BLM: variants seen among roughly 807,000 people sequenced by gnomAD.
The protein encoded by BLM is recQ-like DNA helicase BLM.
BLM carries 95 observed loss-of-function variants against 135.3 expected under a neutral mutation model. The ratio of observed to expected loss-of-function variants is 0.70; its 90% CI spans 0.59 to 0.83. The LOEUF (loss-of-function observed/expected upper bound fraction) is 0.83. Ranked by LOEUF, BLM falls within the 40% of genes least tolerant of loss-of-function variation. The probability of loss-of-function intolerance (pLI) is 0.00; values close to 1 mark genes in which losing one functional copy is unlikely to be tolerated. For missense variants in BLM, 1,518 were observed against 1,663.9 expected (o/e 0.91, Z 1.53); for synonymous variants, 520 against 589.2 (o/e 0.88, Z 1.70).
chr15:90,788,117 T>C (rs1896800763), intron 14 of BLM, among the ~76,000 whole-genome samples: 1 of 151,998 alleles, frequency 6.6e-6, no homozygotes, highest in African/African-American at 2.4e-5. Flanking sequence ...GAGATTAAAA[T>C]GGGGTGGGGT....
Position 90,727,194 on chromosome 15 carries a change from TG to T in BLM, c.-5+9755del, listed in dbSNP as rs1396363440. Among the ~76,000 whole-genome samples, 5 of 152,240 alleles carry T rather than the reference TG, an allele frequency of 3.3e-5. No individual in the cohort carries two copies. The East Asian group carries it at 7.7e-4, about 24-fold the overall frequency. On this transcript the variant is annotated intron_variant, in intron 1 of 21. Coordinates refer to ENST00000355112, the MANE Select transcript of BLM (RefSeq NM_000057.4). The stretch of plus-strand genomic sequence containing the variant: ...TGTTTTTTTAATTTTTAAAATTTTT[TG>T]TAGAGACGGAGTCTTGCTGTGTTGC...
chr15:90,747,871 G>C (rs900373709), intron 2 of BLM, among the ~76,000 whole-genome samples: 5 of 151,654 alleles, frequency 3.3e-5, no homozygotes. Flanking sequence ...GCAGTGGCGC[G>C]ATCTTGGCTC....
chr15:90,790,793 C>G lies in BLM; in HGVS notation c.2968C>G (p.Leu990Val). 6.2e-7 allele frequency: 1 copy of G among 1,614,142 alleles called. No homozygotes were observed. The highest frequency in any genetic ancestry group is 8.5e-7 in the Non-Finnish European group (1 of 1,180,006). The change falls in exon 15 of 22, where the codon CTG (leucine) becomes GTG (valine). Residue 990 changes from leucine to valine, a missense_variant. Leu to Val is a conservative substitution (Grantham distance 32). Transcript: ENST00000355112. ...AAGAGATGGGGAAATATCTCACTGCCTGCTTTTCTATACCTATCATGATGT... is the reference window on the plus strand; with the variant it reads ...AAGAGATGGGGAAATATCTCACTGCGTGCTTTTCTATACCTATCATGATGT... ...AGRDGEISHC[L>V]LFYTYHDVTR...
chr15:90,811,171 A>G lies in BLM; in HGVS notation c.3875-34A>G, dbSNP rs756428757. ...CTAAAAACACGTGGACCAGTGCGAC[A>G]TCACCTGTAAACATCTGCATTTTCC... On this transcript the variant is annotated intron_variant, in intron 20 of 21. Coordinates refer to ENST00000355112, the MANE Select transcript of BLM (RefSeq NM_000057.4). The G allele has an allele frequency of 6.2e-6, 10 of 1,609,330 alleles. No individual in the cohort carries two copies. In the South Asian group the frequency reaches 1.1e-4, roughly 18 times the overall value.
At chr15:90,757,160 C>G (rs1044800504) in intron 5 of BLM, among the ~76,000 whole-genome samples, 2 of 152,172 alleles carry the variant, frequency 1.3e-5, no homozygotes, top group Admixed American at 6.5e-5. Context: ...ATAACAGGCT[C>G]TAGAATTTTG....
intron 13 of BLM, 63 bp from the exon 14 acceptor site, chr15:90,784,858 G>A: frequency 3.9e-6 from 6 of 1,536,164 alleles, no homozygotes; most frequent in Non-Finnish European, 5.4e-6. Context: ...AAAATGTAGT[G>A]TAAATTGTGT....
At position 90,803,578 on chromosome 15, in the gene BLM, G is replaced by C. The variant is rs771776126; in HGVS notation, c.3416G>C (p.Arg1139Pro). ...TTTGGAAAAGGATCTGCTTATTCAC[G>C]ACACAATGCCGAAAGACTTTTTAAA... ...GIFGKGSAYS[R>P]HNAERLFKKL... Residue 1139 changes from arginine (R) to proline (P), a missense_variant, in exon 18 of 22, where the codon CGA (arginine) becomes CCA (proline). Arg to Pro is a moderately radical substitution (Grantham distance 103). Coordinates refer to ENST00000355112, the MANE Select transcript of BLM (RefSeq NM_000057.4). 2.3e-5 allele frequency: 37 copies of C among 1,613,858 alleles called. No homozygotes were observed. Among genetic ancestry groups the C allele is most frequent in the Non-Finnish European group, 3.1e-5 (36 of 1,179,814 alleles).
rs1555419791 is a variant in BLM at position 90,760,624 on chromosome 15, T to C, written c.1251T>C (p.Asn417=). 6.2e-7 allele frequency: 1 copy of C among 1,612,206 alleles called. No individual in the cohort carries two copies. The highest frequency in any genetic ancestry group is 1.3e-5 in the African/African-American group (1 of 74,994). ...AACTTCTAACGGAAGTAGATTTTAA[T>C]AAAAGTGATGCCAGTCTTCTTGGCT... ...RRKLLTEVDF[N]KSDASLLGSL... is the part of the protein sequence containing the mutation. Residue 417 remains asparagine (N), a synonymous_variant, in exon 7 of 22, where the codon AAT becomes AAC. Transcript: ENST00000355112.
intron 1 of BLM, among the ~76,000 whole-genome samples, chr15:90,736,737 G>C (rs1051311899): frequency 3.7e-5 from 5 of 133,478 alleles, no homozygotes; most frequent in African/African-American, 1.8e-4. Flanking sequence ...TTGCAAACGG[G>C]TGTAGAGTGA....
intron 17 of BLM, among the ~76,000 whole-genome samples, chr15:90,799,185 G>A (rs147360689): frequency 3.3e-5 from 5 of 151,788 alleles, no homozygotes; most frequent in African/African-American, 1.2e-4. Context: ...GAAATGGACA[G>A]TAAAGAGGAA....
At chr15:90,788,789 A>G (rs1159574120) in intron 14 of BLM, among the ~76,000 whole-genome samples, 1 of 151,978 alleles carries the variant, frequency 6.6e-6, no homozygotes, top group Non-Finnish European at 1.5e-5. Context: ...CCCAGGCAAC[A>G]TGGCGAAACC....
At position 90,785,570 on chromosome 15, in the gene BLM, G is replaced by A. The variant is rs375160874; in HGVS notation, c.2823+489G>A. ...TTTTTTTTTTTTTTCCGGAGACAGA[G>A]TCTCACTCTGTCGCCCAGACTACAG... On this transcript the variant is annotated intron_variant, in intron 14 of 21. Transcript: ENST00000355112. Among the ~76,000 whole-genome samples, 11 of 147,406 alleles carry A rather than the reference G, an allele frequency of 7.5e-5. No homozygotes were observed. In the South Asian group the frequency reaches 2.4e-3, roughly 32 times the overall value.
intron 12 of BLM, among the ~76,000 whole-genome samples, chr15:90,775,956 T>C (rs959078694): frequency 2.0e-5 from 3 of 152,190 alleles, no homozygotes; most frequent in African/African-American, 7.2e-5. Flanking sequence ...ATCTTCTAAA[T>C]AGTGTGGACT....
intron 12 of BLM, among the ~76,000 whole-genome samples, chr15:90,774,943 ATGG>A: frequency 6.7e-6 from 1 of 148,354 alleles, no homozygotes; most frequent in African/African-American, 2.6e-5. Context: ...GCATATAACG[ATGG>A]TAAAATGTTT....
At chr15:90,806,510 CAAAAA>C (rs3079983) in intron 19 of BLM, among the ~76,000 whole-genome samples, 9,779 of 113,380 alleles carry the variant, frequency 0.086, 373 homozygotes, top group African/African-American at 0.17. Context: ...GACTCCATCT[CAAAAA>C]AAAAAAAAAA....
chr15:90,799,828 A>C (rs966952971), intron 17 of BLM, among the ~76,000 whole-genome samples: 2 of 152,106 alleles, frequency 1.3e-5, no homozygotes, highest in Non-Finnish European at 1.5e-5. Flanking sequence ...GTTCACAGAA[A>C]AATGTGGTTC....
At chr15:90,790,264 C>T in intron 14 of BLM, 1 of 306,430 alleles carries the variant, frequency 3.3e-6, no homozygotes, top group Non-Finnish European at 6.3e-6. Context: ...CAACACGTTG[C>T]TTGTGATCAC....
intron 12 of BLM, among the ~76,000 whole-genome samples, chr15:90,772,990 G>C (rs1291880068): frequency 2.6e-5 from 4 of 151,396 alleles, no homozygotes; most frequent in African/African-American, 9.7e-5. Context: ...CCAGCTACTG[G>C]GGAAGCTGAG....
At chr15:90,786,017 T>C (rs77595917) in intron 14 of BLM, among the ~76,000 whole-genome samples, 1,724 of 148,578 alleles carry the variant, frequency 0.012, 64 homozygotes, top group African/African-American at 0.042. Context: ...TTTTTTTTTT[T>C]TTTTGAGACA....
Sources: gnomAD v4.1 joint callset for allele counts (sites outside exome capture counted in the v4.1 genomes callset) on GRCh38, gnomAD v4.1.1 for gene constraint, MANE v1.5 for transcripts, NCBI Gene and HGNC (gene_info 2026-07-23, HGNC 2026-07-21) for gene names.